DMC1: variants seen among roughly 807,000 people sequenced by gnomAD.
DMC1 encodes the protein DNA meiotic recombinase 1.
DMC1 carries 27 observed loss-of-function variants against 50.1 expected under a neutral mutation model. The observed-to-expected ratio is 0.54, with a 90% CI of 0.40 to 0.74. The LOEUF is 0.74. Among genes scored for constraint, DMC1 ranks in the 30% least tolerant of loss-of-function variants. The probability of loss-of-function intolerance (pLI) is 0.00; values close to 1 mark genes in which losing one functional copy is unlikely to be tolerated. For missense variants in DMC1, 295 were observed against 420.2 expected (o/e 0.70, Z 2.60); for synonymous variants, 148 against 136.1 (o/e 1.09, Z -0.61).
the DMC1 span, among the ~76,000 whole-genome samples, chr22:38,511,573 G>C: frequency 6.6e-6 from 1 of 152,120 alleles, no homozygotes; most frequent in Non-Finnish European, 1.5e-5. Flanking sequence ...CTGGGTGACA[G>C]AGAGAGACCC....
chr22:38,566,834 T>A, intron 3 of DMC1, 98 bp from the exon 4 acceptor site: 1 of 1,272,070 alleles, frequency 7.9e-7, no homozygotes, highest in Non-Finnish European at 1.1e-6. Flanking sequence ...CCTTCCACCA[T>A]GATGCCAATT....
intron 11 of DMC1, among the ~76,000 whole-genome samples, 196 bp downstream of exon 11, chr22:38,538,099 G>A (rs1024061495): frequency 1.3e-5 from 2 of 151,572 alleles, no homozygotes; most frequent in Non-Finnish European, 2.9e-5. Context: ...AGCCGAGATC[G>A]CACCACTGCA....
At chr22:38,533,395 C>CA (rs1296043692) in intron 12 of DMC1, among the ~76,000 whole-genome samples, 5,872 of 38,528 alleles carry the variant, frequency 0.15, 381 homozygotes, top group African/African-American at 0.26. Flanking sequence ...GACTCCATCA[C>CA]AAAAAAAAAA....
At chr22:38,533,396 A>C (rs1171723928) in intron 12 of DMC1, among the ~76,000 whole-genome samples, 2 of 122,924 alleles carry the variant, frequency 1.6e-5, no homozygotes, top group Non-Finnish European at 3.3e-5. Context: ...ACTCCATCAC[A>C]AAAAAAAAAA....
At position 38,529,922 on chromosome 22, in the gene DMC1, C is replaced by T. The variant is rs760396233; in HGVS notation, c.836+7670G>A. On this transcript the variant is annotated intron_variant, in intron 12 of 13. Transcript: ENST00000216024. ...GGAGTGAGATTACAGATGGCATTTT[C>T]GAGAAGTGGTCCATTGAGGAGAGAA... Among the ~76,000 whole-genome samples, 13 of 152,144 alleles carry T rather than the reference C, an allele frequency of 8.5e-5. No homozygotes were observed. In the East Asian group the frequency reaches 1.4e-3, roughly 16 times the overall value.
At chr22:38,515,231 A>C (rs1295798538), downstream of DMC1, among the ~76,000 whole-genome samples, 2 of 149,794 alleles carry the variant, frequency 1.3e-5, no homozygotes, top group Non-Finnish European at 3.0e-5. Context: ...TAATCGCAGC[A>C]CTTTGGGAGG....
chr22:38,540,778 G>A (rs775036042), intron 8 of DMC1, among the ~76,000 whole-genome samples: 15 of 152,152 alleles, frequency 9.9e-5, no homozygotes, highest in Non-Finnish European at 1.6e-4. Flanking sequence ...AAGTTAGACA[G>A]GGAATTGGAA....
intron 8 of DMC1, chr22:38,545,942 A>G (rs1402638245): frequency 6.6e-6 from 1 of 152,246 alleles, no homozygotes; most frequent in Non-Finnish European, 1.5e-5. Flanking sequence ...AAAGAAAACT[A>G]TCAAGAGACA....
At chr22:38,534,074 G>T (rs935538657) in intron 12 of DMC1, among the ~76,000 whole-genome samples, 1 of 152,170 alleles carries the variant, frequency 6.6e-6, no homozygotes, top group East Asian at 1.9e-4. Context: ...AAAGGTTGAA[G>T]AGCTGTTCTG....
downstream of DMC1, among the ~76,000 whole-genome samples, chr22:38,515,504 G>A (rs1250862449): frequency 1.3e-4 from 19 of 148,652 alleles, no homozygotes; most frequent in African/African-American, 4.7e-4. Context: ...AAGAAAAAAG[G>A]GAAAAAGAAA....
At chr22:38,552,583 T>C (rs934313739) in intron 7 of DMC1, 83 bp downstream of exon 7, 9 of 1,009,444 alleles carry the variant, frequency 8.9e-6, no homozygotes, top group African/African-American at 1.6e-5. Context: ...AGATATGAGA[T>C]TATTTAGAGT....
At chr22:38,552,856 T>A in intron 6 of DMC1, 149 bp from the exon 7 acceptor site, 1 of 639,840 alleles carries the variant, frequency 1.6e-6, no homozygotes, top group Non-Finnish European at 2.7e-6. Context: ...TGTTATTTTT[T>A]ATTTTTTTTT....
chr22:38,546,400 A>C (rs946196265), intron 8 of DMC1, among the ~76,000 whole-genome samples: 9 of 152,064 alleles, frequency 5.9e-5, no homozygotes, highest in African/African-American at 9.7e-5. Flanking sequence ...GAAAAAAAAA[A>C]ACTCCAAATT....
At chr22:38,532,167 T>G (rs1428904923) in intron 12 of DMC1, among the ~76,000 whole-genome samples, 4 of 152,202 alleles carry the variant, frequency 2.6e-5, no homozygotes, top group Non-Finnish European at 5.9e-5. Context: ...TTTAAAATTA[T>G]TCTCTTTGTG....
chr22:38,531,363 T>C (rs1161931725), intron 12 of DMC1, among the ~76,000 whole-genome samples: 2 of 152,030 alleles, frequency 1.3e-5, no homozygotes, highest in Non-Finnish European at 2.9e-5. Flanking sequence ...CTCGCTTCTA[T>C]AATTTCGTTC....
intron 12 of DMC1, among the ~76,000 whole-genome samples, chr22:38,524,837 G>A (rs955045652): frequency 4.6e-5 from 7 of 152,084 alleles, no homozygotes; most frequent in Non-Finnish European, 7.4e-5. Context: ...CGAGGCGGGC[G>A]GATCACCTGA....
intron 8 of DMC1, among the ~76,000 whole-genome samples, chr22:38,544,930 C>G (rs2090327877): frequency 6.6e-6 from 1 of 151,752 alleles, no homozygotes; most frequent in South Asian, 2.1e-4. Flanking sequence ...CTGCGCCCGG[C>G]AGCAAAATAA....
intron 6 of DMC1, among the ~76,000 whole-genome samples, chr22:38,553,836 A>G (rs2090440043): frequency 6.6e-6 from 1 of 150,466 alleles, no homozygotes; most frequent in African/African-American, 2.4e-5. Flanking sequence ...GCGTGCACCT[A>G]TAGTCCCAGC....
At chr22:38,565,255 G>C (rs554911758) in intron 4 of DMC1, among the ~76,000 whole-genome samples, 2 of 151,154 alleles carry the variant, frequency 1.3e-5, no homozygotes, top group Non-Finnish European at 1.5e-5. Context: ...AAAGTAGTAA[G>C]GTAGGAGAGG....
Sources: allele counts gnomAD v4.1 joint callset (sites outside exome capture counted in the v4.1 genomes callset), GRCh38; gene constraint gnomAD v4.1.1; transcripts MANE v1.5; gene names NCBI Gene and HGNC (gene_info 2026-07-23, HGNC 2026-07-21).